The following RTTN variants were observed in gnomAD, a reference collection of about 807,000 sequenced individuals.
The protein encoded by RTTN is rotatin.
Under a neutral mutation model 269.2 loss-of-function variants are expected in RTTN, and 182 were observed. The ratio of observed to expected loss-of-function variants is 0.68; its 90% CI spans 0.60 to 0.76. The LOEUF is 0.76. Ranked by LOEUF, RTTN falls within the 30% of genes least tolerant of loss-of-function variation. RTTN has a pLI of 0.00. For missense variants in RTTN, 2,545 were observed against 2,608.6 expected, an observed-to-expected ratio of 0.98 and a Z score of 0.53; for synonymous variants, 1,006 against 963.5, an observed-to-expected ratio of 1.04 and a Z score of -0.82.
chr18:70,158,711 G>A (rs1295423479), intron 14 of RTTN, among the ~76,000 whole-genome samples: 1 of 152,138 alleles, frequency 6.6e-6, no homozygotes, highest in Non-Finnish European at 1.5e-5. Flanking sequence ...CTCACATGCA[G>A]TGACACCCAC....
intron 16 of RTTN, 124 bp from the exon 17 acceptor site, chr18:70,149,161 A>G: frequency 1.2e-6 from 1 of 803,780 alleles, no homozygotes; most frequent in Non-Finnish European, 1.9e-6. Flanking sequence ...GTTGAATAAA[A>G]TCATTATTTT....
intron 17 of RTTN, among the ~76,000 whole-genome samples, chr18:70,148,249 AT>A (rs1377523543): frequency 1.3e-5 from 2 of 152,172 alleles, no homozygotes; most frequent in Middle Eastern, 3.4e-3. Context: ...TCGACTCAGC[AT>A]TTTTTTCTTT....
Position 70,028,717 on chromosome 18 carries a change from T to C in RTTN, c.5823+7A>G, listed in dbSNP as rs776169914. 1.3e-6 allele frequency: 2 copies of C among 1,584,282 alleles called. No individual in the cohort carries two copies. The highest frequency in any genetic ancestry group is 4.5e-5 in the East Asian group (2 of 44,628). On this transcript the variant is annotated splice_region_variant and intron_variant, in intron 43 of 48. Transcript: ENST00000640769. ...CTATTAAAATTTTGAAAAGTAGTTC[T>C]ACTTACTTTACATTCCTCATTTTGA...
At chr18:70,193,634 G>A (rs912227479) in intron 7 of RTTN, among the ~76,000 whole-genome samples, 181 bp from the exon 8 acceptor site, 2 of 152,038 alleles carry the variant, frequency 1.3e-5, no homozygotes, top group Non-Finnish European at 2.9e-5. Flanking sequence ...GTACATTTAG[G>A]TTTATATCTA....
chr18:70,073,049 T>A (rs1432272532), intron 34 of RTTN, among the ~76,000 whole-genome samples: 1 of 152,176 alleles, frequency 6.6e-6, no homozygotes, highest in East Asian at 1.9e-4. Context: ...AATCTTTACA[T>A]TATAATGTCT....
intron 34 of RTTN, among the ~76,000 whole-genome samples, chr18:70,070,422 C>G (rs766873970): frequency 2.6e-5 from 4 of 152,192 alleles, no homozygotes; most frequent in African/African-American, 4.8e-5. Context: ...ATTTGTATGT[C>G]CTATCAGTGA....
intron 14 of RTTN, among the ~76,000 whole-genome samples, chr18:70,156,009 A>G (rs1293382350): frequency 6.6e-6 from 1 of 152,138 alleles, no homozygotes; most frequent in Non-Finnish European, 1.5e-5. Flanking sequence ...CCCTGTGATG[A>G]TTGCGTTAAC....
At chr18:70,201,594 C>G (rs1250893491) in intron 4 of RTTN, among the ~76,000 whole-genome samples, 1 of 101,770 alleles carries the variant, frequency 9.8e-6, no homozygotes, top group Non-Finnish European at 1.8e-5. Context: ...GGCGACAGAG[C>G]GAGACTCCAT....
At chr18:70,184,716 T>TGTGTGTGTGTGTG (rs1555776913) in intron 10 of RTTN, among the ~76,000 whole-genome samples, 13 of 33,460 alleles carry the variant, frequency 3.9e-4, no homozygotes, top group South Asian at 1.7e-3. Flanking sequence ...TTTTTTTTTT[T>TGTGTGTGTGTGTG]TGTGTGTGTG....
In RTTN at chr18:70,106,342, T is replaced by C. The variant is rs1479212455; in HGVS notation, c.3903+3156A>G. Among the ~76,000 whole-genome samples the C allele has an allele frequency of 5.9e-5, 9 of 152,044 alleles. No homozygotes were observed. The South Asian group carries it at 1.9e-3, about 32-fold the overall frequency. ...CCTGAGCAACACGGTAAACCCTGTC[T>C]CAAAGAAATAAAGTAAAATAAATAA... On this transcript the variant is annotated intron_variant, in intron 28 of 48. Coordinates refer to ENST00000640769, the MANE Select transcript of RTTN (RefSeq NM_173630.4).
At chr18:70,087,917 G>A in intron 31 of RTTN, 72 bp downstream of exon 31, 1 of 1,480,710 alleles carries the variant, frequency 6.8e-7, no homozygotes, top group Non-Finnish European at 9.3e-7. Context: ...ATGTTGAGCG[G>A]CAGTCAAGTA....
chr18:70,128,182 T>C, intron 24 of RTTN, 176 bp downstream of exon 24: 2 of 557,992 alleles, frequency 3.6e-6, no homozygotes, highest in Non-Finnish European at 6.3e-6. Context: ...TGATAGATTG[T>C]TAAAAGTAAT....
intron 35 of RTTN, among the ~76,000 whole-genome samples, chr18:70,065,058 G>A (rs1276599959): frequency 6.6e-6 from 1 of 151,918 alleles, no homozygotes; most frequent in African/African-American, 2.4e-5. Flanking sequence ...AAACCAATAT[G>A]GAACACTGTT....
Position 70,048,056 on chromosome 18 carries a change from CATAA to C in RTTN, c.5452_5455del (p.Leu1818AlafsTer20). On this transcript the variant is annotated frameshift_variant, in exon 40 of 49. Transcript: ENST00000640769. LOFTEE classifies it high-confidence loss of function. ...AAGTGAAGCCACTGTTGGACTACAG[CATAA>C]ATGTGTTTTGCTCTTAGCCTGGAGA... is the stretch of plus-strand genomic sequence containing the variant. 1 of 1,614,154 alleles carries C rather than the reference CATAA, an allele frequency of 6.2e-7. No homozygotes were observed. Among genetic ancestry groups the C allele is most frequent in the Non-Finnish European group, 8.5e-7 (1 of 1,179,996 alleles).
intron 34 of RTTN, among the ~76,000 whole-genome samples, 168 bp from the exon 35 acceptor site, chr18:70,066,090 ATGGCATTTCCACTTCTT>A (rs1346881174): frequency 1.3e-5 from 2 of 152,202 alleles, no homozygotes; most frequent in African/African-American, 4.8e-5. Flanking sequence ...GTTTTTTTAA[ATGGCATTTCCACTTCTT>A]AAAGGAATTG....
chr18:70,167,046 G>A lies in RTTN; in HGVS notation c.1690-15C>T, dbSNP rs1345426305. On this transcript the variant is annotated splice_polypyrimidine_tract_variant and intron_variant, in intron 12 of 48. Transcript: ENST00000640769. ...TTCTTCTCTCCCTACAAAAGAAGCA[G>A]AATGGAACAATAAATGTCAAGTTCA... The A allele has an allele frequency of 6.5e-7, 1 of 1,528,424 alleles. No individual in the cohort carries two copies. Among genetic ancestry groups the A allele is most frequent in the Non-Finnish European group, 9.1e-7 (1 of 1,104,004 alleles). The allele number at this position is 1,528,424 out of a possible 1,614,324, so 94.7% of individuals were successfully genotyped here.
chr18:70,125,152 C>G (rs369853225), intron 25 of RTTN, among the ~76,000 whole-genome samples: 1 of 152,016 alleles, frequency 6.6e-6, no homozygotes, highest in East Asian at 1.9e-4. Flanking sequence ...GCCACAGTAC[C>G]GTAAGTAAAA....
rs376523644 is a variant in RTTN at position 70,142,412 on chromosome 18, C to A, written c.2482-25G>T. 4.2e-3 allele frequency: 4,567 copies of A among 1,079,238 alleles called. 117 individuals are homozygous for A. The African/African-American group carries it at 0.064, about 15-fold the overall frequency. 66.9% of individuals were successfully genotyped at this position (1,079,238 alleles called of 1,614,324 possible). On this transcript the variant is annotated intron_variant, in intron 18 of 48. Transcript: ENST00000640769. ...ACTACAAACCAAAAAAAAAAAAAAA[C>A]CAAAATTACATTTATCTGCTTCCAA... is the stretch of plus-strand genomic sequence containing the variant.
chr18:70,166,265 G>A, intron 13 of RTTN, 77 bp from the exon 14 acceptor site: 2 of 1,459,620 alleles, frequency 1.4e-6, no homozygotes. Flanking sequence ...CATACTGGAA[G>A]GGATTTCTTC....
Sources: gnomAD v4.1 joint callset for allele counts (sites outside exome capture counted in the v4.1 genomes callset) on GRCh38, gnomAD v4.1.1 for gene constraint, MANE v1.5 for transcripts, NCBI Gene and HGNC (gene_info 2026-07-23, HGNC 2026-07-21) for gene names.